ZNF813: variants seen among roughly 807,000 people sequenced by gnomAD.
The protein encoded by ZNF813 is zinc finger protein 813.
ZNF813 carries 3 observed loss-of-function variants against 7.2 expected under a neutral mutation model. The ratio of observed to expected loss-of-function variants is 0.42; its 90% CI spans 0.19 to 1.08. The LOEUF is 1.08. Among genes scored for constraint, ZNF813 ranks in the 50% least tolerant of loss-of-function variants. The pLI is 0.30. For synonymous variants in ZNF813, 227 were observed against 256.3 expected (o/e 0.89, Z 1.09); for missense variants, 714 against 753.3 (o/e 0.95, Z 0.61).
At position 53,493,568 on chromosome 19, in the gene ZNF813, G is replaced by A. The variant is rs1037313428; in HGVS notation, c.*1482G>A. The A allele has an allele frequency of 3.3e-5, 5 of 152,126 alleles. No individual in the cohort carries two copies. The highest frequency in any genetic ancestry group is 7.3e-5 in the Non-Finnish European group (5 of 68,034). 9.4% of individuals were successfully genotyped at this position (152,126 alleles called of 1,614,324 possible). A position where few individuals can be genotyped will look rare whatever the true frequency, so the allele number is the denominator to read the frequency against. ...ACTTTAAGTTCTCTAGCAAATGGAA[G>A]TGTTTTTAAATTTTCTTTTAAAATT... On this transcript the variant is annotated 3_prime_UTR_variant, in exon 4 of 4. Coordinates refer to ENST00000396403, the MANE Select transcript of ZNF813 (RefSeq NM_001004301.4).
chr19:53,488,414 CTTT>C (rs369044232), intron 3 of ZNF813: 13 of 243,394 alleles, frequency 5.3e-5, no homozygotes, highest in South Asian at 1.4e-4. Flanking sequence ...CCTTTTTTTT[CTTT>C]TTTTTTTTTG....
At chr19:53,477,606 A>G (rs1480882339) in intron 1 of ZNF813, among the ~76,000 whole-genome samples, 1 of 152,080 alleles carries the variant, frequency 6.6e-6, no homozygotes, top group Non-Finnish European at 1.5e-5. Context: ...GCTTGAGTCC[A>G]GGTATATGAG....
chr19:53,490,392 A>T lies in ZNF813; in HGVS notation c.160A>T (p.Met54Leu). 2 of 1,614,060 alleles carry T rather than the reference A, an allele frequency of 1.2e-6. No homozygotes were observed. The highest frequency in any genetic ancestry group is 1.7e-6 in the Non-Finnish European group (2 of 1,179,958). ...LVSLDISSKCMMKEFSSTAQG... is the reference protein window; with the variant it reads ...LVSLDISSKCLMKEFSSTAQG... The stretch of plus-strand genomic sequence containing the variant: ...TTTTGTAGATATCTCTTCCAAATGC[A>T]TGATGAAGGAGTTCTCATCAACAGC... The change falls in exon 4 of 4, where the codon ATG (methionine) becomes TTG (leucine). Residue 54 changes from methionine to leucine, a missense_variant. By Grantham distance (15) the Met-to-Leu change is conservative. Transcript: ENST00000396403.
intron 1 of ZNF813, among the ~76,000 whole-genome samples, chr19:53,475,769 T>C (rs946519352): frequency 1.3e-5 from 2 of 152,258 alleles, no homozygotes. Context: ...CACTGGGCGA[T>C]GCCACGATCC....
intron 1 of ZNF813, chr19:53,479,734 T>C: frequency 8.2e-7 from 1 of 1,223,304 alleles, no homozygotes; most frequent in Non-Finnish European, 1.2e-6. Context: ...AAGAGGTGGC[T>C]CGTAAGTTGG....
At chr19:53,475,208 ACTTCT>A (rs1239302300) in intron 1 of ZNF813, among the ~76,000 whole-genome samples, 1 of 130,152 alleles carries the variant, frequency 7.7e-6, no homozygotes, top group East Asian at 2.2e-4. Context: ...GTAAATACTG[ACTTCT>A]CTTTTGCTAG....
Position 53,492,409 on chromosome 19 carries a change from A to G in ZNF813, c.*323A>G. 2.1e-6 allele frequency: 1 copy of G among 469,490 alleles called. No individual in the cohort carries two copies. 29.1% of individuals were successfully genotyped at this position (469,490 alleles called of 1,614,324 possible). ...AGAATATCACAGAGTTTTCAGTCAC[A>G]AGTCAAACCTTGAAAGACATAAAAT... On this transcript the variant is annotated 3_prime_UTR_variant, in exon 4 of 4. Coordinates refer to ENST00000396403, the MANE Select transcript of ZNF813 (RefSeq NM_001004301.4).
chr19:53,486,446 C>CAAA lies in ZNF813; in HGVS notation c.16-175_16-173dup, dbSNP rs71304182. On this transcript the variant is annotated intron_variant, in intron 2 of 3. Coordinates refer to ENST00000396403, the MANE Select transcript of ZNF813 (RefSeq NM_001004301.4). ...TGGGCAGCAGAGTGAGACTCCACCT[C>CAAA]AAAAAAAAAAAAAGCATAATAAAAC... is the stretch of plus-strand genomic sequence containing the variant. 1.4e-3 allele frequency among the ~76,000 whole-genome samples: 193 copies of CAAA among 133,676 alleles called. 3 individuals are homozygous for CAAA. Among genetic ancestry groups the CAAA allele is most frequent in the East Asian group, 7.3e-3 (33 of 4,492 alleles). The allele number at this position is 133,676 out of a possible 152,430, so 87.7% of individuals were successfully genotyped here.
intron 3 of ZNF813, among the ~76,000 whole-genome samples, chr19:53,489,191 G>A (rs1304671376): frequency 2.0e-5 from 3 of 152,094 alleles, no homozygotes; most frequent in Non-Finnish European, 4.4e-5. Flanking sequence ...ATTGTTAGTA[G>A]AGACGGGGTT....
Position 53,491,692 on chromosome 19 carries a change from C to T in ZNF813, c.1460C>T (p.Ala487Val), listed in dbSNP as rs1279166130. 1.9e-6 allele frequency: 3 copies of T among 1,612,206 alleles called. No individual in the cohort carries two copies. The Admixed American group carries it at 5.0e-5, about 27-fold the overall frequency. ...SRISALVIHT[A>V]IHTGEKPYKC... ...ATTTCAGCCCTCGTAATTCATACGGCAATTCATACTGGAGAGAAACCTTAC... is the reference window on the plus strand; with the variant it reads ...ATTTCAGCCCTCGTAATTCATACGGTAATTCATACTGGAGAGAAACCTTAC... Residue 487 changes from alanine to valine, a missense_variant, in exon 4 of 4, where the codon GCA (alanine) becomes GTA (valine). This residue lies in a region of ZNF813 where 563 missense variants were observed against 554.2 expected (regional missense o/e 1.02). Transcript: ENST00000396403.
In ZNF813 at chr19:53,493,513, T is replaced by G; in HGVS notation, c.*1427T>G. ...ATTGTTTATTGTTACAAACTTCTCATCTTTTTGCTTTTATTCCTAAGTATT... is the reference window on the plus strand; with the variant it reads ...ATTGTTTATTGTTACAAACTTCTCAGCTTTTTGCTTTTATTCCTAAGTATT... On this transcript the variant is annotated 3_prime_UTR_variant, in exon 4 of 4. Transcript: ENST00000396403. The G allele has an allele frequency of 1.3e-5, 2 of 151,870 alleles. No individual in the cohort carries two copies. Among genetic ancestry groups the G allele is most frequent in the Middle Eastern group, 6.8e-3 (2 of 294 alleles). 9.4% of individuals were successfully genotyped at this position (151,870 alleles called of 1,614,324 possible). A position where few individuals can be genotyped will look rare whatever the true frequency, so the allele number is the denominator to read the frequency against.
chr19:53,490,317 T>C, intron 3 of ZNF813, 58 bp from the exon 4 acceptor site: 14 of 1,558,282 alleles, frequency 9.0e-6, no homozygotes, highest in Non-Finnish European at 1.1e-5. Flanking sequence ...TTTACACATT[T>C]CAGTATTATT....
Position 53,491,214 on chromosome 19 carries a change from A to G in ZNF813, c.982A>G (p.Lys328Glu), listed in dbSNP as rs768237695. 17 of 1,613,792 alleles carry G rather than the reference A, an allele frequency of 1.1e-5. No individual in the cohort carries two copies. Among genetic ancestry groups the G allele is most frequent in the Middle Eastern group, 1.6e-4 (1 of 6,084 alleles). The change falls in exon 4 of 4, where the codon AAG becomes GAG. Residue 328 changes from lysine (K) to glutamate (E), a missense_variant. Physicochemically the swap from Lys to Glu is moderately conservative, Grantham distance 56. Around this residue, in one of 3 missense-constraint regions of ZNF813, gnomAD observed 563 missense variants for 554.2 expected, o/e 1.02. Coordinates refer to ENST00000396403, the MANE Select transcript of ZNF813 (RefSeq NM_001004301.4). The stretch of plus-strand genomic sequence containing the variant: ...AATTCATGCTGGAGAAAAACCATAC[A>G]AGTGTAATGAATGTGGCAAGACCTT... ...RRIHAGEKPY[K>E]CNECGKTFSQ...
At chr19:53,481,279 G>GA (rs1389209717) in intron 1 of ZNF813, among the ~76,000 whole-genome samples, 2 of 150,842 alleles carry the variant, frequency 1.3e-5, no homozygotes, top group Admixed American at 1.3e-4. Context: ...TATTATGTCA[G>GA]ACTAGCAAGC....
chr19:53,478,929 T>C (rs115618617), intron 1 of ZNF813, among the ~76,000 whole-genome samples: 2,444 of 145,858 alleles, frequency 0.017, 63 homozygotes, highest in African/African-American at 0.059. Flanking sequence ...TTGTAGGTTT[T>C]TGTTTTTTGT....
intron 1 of ZNF813, among the ~76,000 whole-genome samples, chr19:53,469,370 T>G (rs1489165856): frequency 6.6e-6 from 1 of 152,060 alleles, no homozygotes; most frequent in African/African-American, 2.4e-5. Context: ...TCCAGCCCCT[T>G]GAAAATGCGC....
intron 1 of ZNF813, among the ~76,000 whole-genome samples, chr19:53,469,897 G>C (rs535617099): frequency 1.7e-4 from 26 of 151,870 alleles, no homozygotes; most frequent in South Asian, 4.2e-4. Flanking sequence ...GACTGCTATG[G>C]GGGAGACAGA....
In ZNF813 at chr19:53,476,445, A is replaced by G. The variant is rs1021838244; in HGVS notation, c.-73-7305A>G. ...GGAGTCCAAGACCAGACCGGCCAAG[A>G]TGGTGAAACCCGGTCTCTACTAAAA... On this transcript the variant is annotated intron_variant, in intron 1 of 3. Coordinates refer to ENST00000396403, the MANE Select transcript of ZNF813 (RefSeq NM_001004301.4). Among the ~76,000 whole-genome samples, 7 of 151,960 alleles carry G rather than the reference A, an allele frequency of 4.6e-5. No individual in the cohort carries two copies. The South Asian group carries it at 8.3e-4, about 18-fold the overall frequency.
rs534748009 is a variant in ZNF813, at chr19:53,476,968, G to A, written c.-73-6782G>A. On this transcript the variant is annotated intron_variant, in intron 1 of 3. Coordinates refer to ENST00000396403, the MANE Select transcript of ZNF813 (RefSeq NM_001004301.4). ...TAAGCCACCGCGCCTGGCTGTGGGA[G>A]AGTTTTTAAACCTTTGTGGGAGTCT... Among the ~76,000 whole-genome samples the A allele has an allele frequency of 3.3e-5, 5 of 152,294 alleles. No individual in the cohort carries two copies. The South Asian group carries it at 8.3e-4, about 25-fold the overall frequency.
Sources: allele counts gnomAD v4.1 joint callset (sites outside exome capture counted in the v4.1 genomes callset), GRCh38; gene constraint gnomAD v4.1.1; regional missense constraint gnomAD v4.1.1; transcripts MANE v1.5; gene names NCBI Gene and HGNC (gene_info 2026-07-23, HGNC 2026-07-21).